Variants in LVRN observed in about 807,000 individuals in gnomAD.
LVRN encodes the protein laeverin.
In LVRN, 99 loss-of-function variants were observed where a neutral mutation model predicts 111.4. The observed-to-expected ratio is 0.89, with a 90% CI of 0.76 to 1.05. The LOEUF (loss-of-function observed/expected upper bound fraction) is 1.05. LVRN is among the 50% of genes least tolerant of loss of function. LVRN has a pLI of 0.00. For synonymous variants in LVRN, 488 were observed against 449.5 expected, an observed-to-expected ratio of 1.09 and a Z score of -1.08; for missense variants, 1,414 against 1,206.8, an observed-to-expected ratio of 1.17 and a Z score of -2.54.
chr5:116,022,522 C>T (rs1459955533), intron 19 of LVRN, 56 bp downstream of exon 19: 13 of 1,193,214 alleles, frequency 1.1e-5, no homozygotes, highest in Middle Eastern at 2.4e-4. Context: ...ACTTTTTATG[C>T]AATTTGGACT....
At chr5:116,000,714 A>G in intron 9 of LVRN, 56 bp downstream of exon 9, 2 of 1,573,962 alleles carry the variant, frequency 1.3e-6, no homozygotes, top group Non-Finnish European at 1.7e-6. Context: ...TGATACAGGA[A>G]AAGACTGGGA....
At chr5:115,975,405 C>A (rs1271229128) in intron 1 of LVRN, 1 of 201,206 alleles carries the variant, frequency 5.0e-6, no homozygotes, top group Non-Finnish European at 1.0e-5. Context: ...CACCGTATAA[C>A]AAATGCTTCT....
chr5:115,999,736 A>C (rs777609802), intron 6 of LVRN, 26 bp from the exon 7 acceptor site: 6 of 1,610,976 alleles, frequency 3.7e-6, no homozygotes, highest in South Asian at 1.1e-5. Flanking sequence ...TCAGGAGTTA[A>C]TGTGCCTCCA....
At chr5:115,967,779 A>C (rs1326455307) in intron 1 of LVRN, among the ~76,000 whole-genome samples, 1 of 152,182 alleles carries the variant, frequency 6.6e-6, no homozygotes, top group Admixed American at 6.5e-5. Flanking sequence ...GAATTTTATC[A>C]TTTTTAGCAT....
At chr5:116,022,188 C>G in intron 18 of LVRN, 1 of 437,140 alleles carries the variant, frequency 2.3e-6, no homozygotes, top group Non-Finnish European at 4.1e-6. Context: ...ATTTGTGTAA[C>G]ACATATAAGT....
chr5:115,979,325 C>G (rs1192308522), intron 1 of LVRN, among the ~76,000 whole-genome samples: 1 of 152,152 alleles, frequency 6.6e-6, no homozygotes, highest in Non-Finnish European at 1.5e-5. Flanking sequence ...GCCTCTCAGC[C>G]TCAGGAAACA....
At chr5:116,004,038 T>C (rs1333449201) in intron 12 of LVRN, among the ~76,000 whole-genome samples, 1 of 152,206 alleles carries the variant, frequency 6.6e-6, no homozygotes, top group East Asian at 1.9e-4. Flanking sequence ...GAGAATATTA[T>C]TATATTTTAT....
At chr5:115,977,026 T>C (rs1753463509) in intron 1 of LVRN, among the ~76,000 whole-genome samples, 1 of 152,174 alleles carries the variant, frequency 6.6e-6, no homozygotes, top group African/African-American at 2.4e-5. Context: ...ATACTCTGGC[T>C]TGAGAAAATT....
chr5:116,003,177 A>G (rs1748275362), intron 11 of LVRN, 64 bp from the exon 12 acceptor site: 1 of 1,389,270 alleles, frequency 7.2e-7, no homozygotes, highest in Non-Finnish European at 9.9e-7. Flanking sequence ...AGTGTGTAGT[A>G]TTAATAGGTA....
At chr5:116,014,343 AAC>A in intron 15 of LVRN, 75 bp from the exon 16 acceptor site, 1 of 1,023,880 alleles carries the variant, frequency 9.8e-7, no homozygotes, top group Non-Finnish European at 1.5e-6. Context: ...CTTTTTATGA[AAC>A]ACATATTCTT....
At chr5:115,980,394 A>G (rs377266046) in intron 1 of LVRN, among the ~76,000 whole-genome samples, 14 of 152,198 alleles carry the variant, frequency 9.2e-5, no homozygotes, top group African/African-American at 2.6e-4. Flanking sequence ...TTTTCCCCTA[A>G]CTTTTGGTTT....
chr5:116,022,555 CT>C lies in LVRN; in HGVS notation c.2832+91del, dbSNP rs1748753150. The C allele has an allele frequency of 8.1e-6, 7 of 867,708 alleles. No homozygotes were observed. In the South Asian group the frequency reaches 1.0e-4, roughly 13 times the overall value. 53.8% of individuals were successfully genotyped at this position (867,708 alleles called of 1,614,324 possible). A position where few individuals can be genotyped will look rare whatever the true frequency, so the allele number is the denominator to read the frequency against. ...ACTTGCTAAAATTAAAAATAATATG[CT>C]TATCTGAATTATTACATTCTATGCT... On this transcript the variant is annotated intron_variant, in intron 19 of 19. Coordinates refer to ENST00000357872, the MANE Select transcript of LVRN (RefSeq NM_173800.5).
chr5:115,968,872 A>C (rs1753259677), intron 1 of LVRN, among the ~76,000 whole-genome samples: 1 of 152,186 alleles, frequency 6.6e-6, no homozygotes, highest in East Asian at 1.9e-4. Context: ...AATTAAACAA[A>C]GTCCCATGGA....
intron 1 of LVRN, chr5:115,974,646 T>G (rs186464446): frequency 6.3e-6 from 1 of 157,486 alleles, no homozygotes; most frequent in East Asian, 1.8e-4. Context: ...ATTCATCAAT[T>G]TGGTGGCAAC....
intron 6 of LVRN, among the ~76,000 whole-genome samples, chr5:115,998,093 C>T (rs945007456): frequency 7.2e-5 from 11 of 152,120 alleles, no homozygotes; most frequent in African/African-American, 2.4e-4. Context: ...CAGCAAAAAG[C>T]TGAAAGTAAC....
chr5:115,999,558 A>G (rs1395047373), intron 6 of LVRN, among the ~76,000 whole-genome samples: 1 of 152,226 alleles, frequency 6.6e-6, no homozygotes, highest in East Asian at 1.9e-4. Context: ...ATGAAAAAGG[A>G]TACAAATGGG....
At chr5:116,003,459 T>C in intron 12 of LVRN, 79 bp downstream of exon 12, 2 of 963,764 alleles carry the variant, frequency 2.1e-6, no homozygotes, top group Non-Finnish European at 1.4e-6. Flanking sequence ...AACATTCTGG[T>C]GGGAAGAGAT....
At chr5:116,011,295 A>T (rs1003810182) in intron 14 of LVRN, among the ~76,000 whole-genome samples, 11 of 151,928 alleles carry the variant, frequency 7.2e-5, no homozygotes, top group African/African-American at 2.7e-4. Flanking sequence ...TTATAATTTC[A>T]ATATTCTGAC....
At chr5:115,997,541 G>A (rs544320323) in intron 6 of LVRN, among the ~76,000 whole-genome samples, 17 of 151,996 alleles carry the variant, frequency 1.1e-4, no homozygotes, top group Non-Finnish European at 1.0e-4. Flanking sequence ...CTGCACCCTT[G>A]TAGTCCTAGC....
Sources: allele counts gnomAD v4.1 joint callset (sites outside exome capture counted in the v4.1 genomes callset), GRCh38; gene constraint gnomAD v4.1.1; transcripts MANE v1.5; gene names NCBI Gene and HGNC (gene_info 2026-07-23, HGNC 2026-07-21).